The following AKAP6 variants were observed in gnomAD, a reference collection of about 807,000 sequenced individuals.
The protein encoded by AKAP6 is A-kinase anchoring protein 6.
AKAP6 carries 58 observed loss-of-function variants against 188.5 expected under a neutral mutation model. The observed-to-expected ratio is 0.31, with a 90% CI of 0.25 to 0.38. The LOEUF (loss-of-function observed/expected upper bound fraction) is 0.38, where lower values mean the gene tolerates loss of function less well. AKAP6 is among the 10% of genes least tolerant of loss of function. The pLI is 1.00. For missense variants in AKAP6, 2,710 were observed against 2,740.0 expected (o/e 0.99, Z 0.24); for synonymous variants, 989 against 998.6 (o/e 0.99, Z 0.18).
Position 32,619,294 on chromosome 14 carries a change from T to C in AKAP6, c.2730+18502T>C, listed in dbSNP as rs534322362. On this transcript the variant is annotated intron_variant, in intron 7 of 13. Coordinates refer to ENST00000280979, the MANE Select transcript of AKAP6 (RefSeq NM_004274.5). ...GGAGAGTTTTTCTTAGTTTTTCTTCTAGAATTTTTATGGCTTCAGGTCTTA... is the reference window on the plus strand; with the variant it reads ...GGAGAGTTTTTCTTAGTTTTTCTTCCAGAATTTTTATGGCTTCAGGTCTTA... Among the ~76,000 whole-genome samples the C allele has an allele frequency of 4.6e-5, 7 of 152,328 alleles. No homozygotes were observed. In the South Asian group the frequency reaches 1.2e-3, roughly 27 times the overall value.
rs183057981 is a variant in AKAP6 at position 32,682,018 on chromosome 14, T to G, written c.2879+3559T>G. On this transcript the variant is annotated intron_variant, in intron 8 of 13. Transcript: ENST00000280979. The stretch of plus-strand genomic sequence containing the variant: ...TCACAGTTTGTTAGGAGGAACCAGA[T>G]CTCTGTAAACAGCGTGGAGTAAAGG... Among the ~76,000 whole-genome samples the G allele has an allele frequency of 4.6e-5, 7 of 152,308 alleles. No individual in the cohort carries two copies. In the East Asian group the frequency reaches 1.2e-3, roughly 25 times the overall value.
intron 8 of AKAP6, among the ~76,000 whole-genome samples, chr14:32,686,708 T>A (rs1272363432): frequency 6.6e-6 from 1 of 152,130 alleles, no homozygotes; most frequent in African/African-American, 2.4e-5. Flanking sequence ...TGTGTTGAAG[T>A]TTACTACAAA....
intron 2 of AKAP6, among the ~76,000 whole-genome samples, chr14:32,468,840 A>G (rs1189310480): frequency 6.6e-6 from 1 of 152,056 alleles, no homozygotes; most frequent in Admixed American, 6.6e-5. Flanking sequence ...TGCTCTAACA[A>G]TCTTATTCCA....
chr14:32,348,865 A>C (rs2138437920), intron 1 of AKAP6, among the ~76,000 whole-genome samples: 1 of 152,160 alleles, frequency 6.6e-6, no homozygotes, highest in East Asian at 1.9e-4. Flanking sequence ...TAAATTTTTT[A>C]CTTATTCCTA....
chr14:32,663,312 G>A (rs1888782294), intron 7 of AKAP6, among the ~76,000 whole-genome samples: 1 of 152,008 alleles, frequency 6.6e-6, no homozygotes, highest in Non-Finnish European at 1.5e-5. Flanking sequence ...GCTCTTCCTA[G>A]ATGGAAATAA....
At chr14:32,440,887 C>T (rs760460877) in intron 2 of AKAP6, among the ~76,000 whole-genome samples, 79 of 152,062 alleles carry the variant, frequency 5.2e-4, no homozygotes, top group Non-Finnish European at 8.8e-4. Context: ...TCTCAAAATT[C>T]GTATGTTGAA....
chr14:32,609,325 T>G (rs1190188226), intron 7 of AKAP6, among the ~76,000 whole-genome samples: 1 of 152,202 alleles, frequency 6.6e-6, no homozygotes, highest in African/African-American at 2.4e-5. Flanking sequence ...TATGTGGTTG[T>G]GATGCTGCCA....
chr14:32,475,655 G>T (rs1566526224), intron 2 of AKAP6, among the ~76,000 whole-genome samples: 1 of 150,378 alleles, frequency 6.6e-6, no homozygotes, highest in Non-Finnish European at 1.5e-5. Context: ...AGCAGAGTCT[G>T]CAGACAGAAA....
chr14:32,615,167 C>CAAAAAAAAAAAAAAAA (rs71115086), intron 7 of AKAP6, among the ~76,000 whole-genome samples: 747 of 53,448 alleles, frequency 0.014, 168 homozygotes, highest in East Asian at 0.032. Flanking sequence ...GACTCTGTCT[C>CAAAAAAAAAAAAAAAA]AAAAAAAAAA....
chr14:32,566,622 C>T (rs1004978811), intron 4 of AKAP6, among the ~76,000 whole-genome samples: 13 of 152,098 alleles, frequency 8.5e-5, no homozygotes, highest in African/African-American at 2.9e-4. Flanking sequence ...ACTTAATACA[C>T]ACATGTATGT....
chr14:32,492,355 T>TATATATATATATATAGAG, intron 2 of AKAP6, among the ~76,000 whole-genome samples: 2,183 of 82,374 alleles, frequency 0.027, 80 homozygotes, highest in East Asian at 0.042. Context: ...TATATATATA[T>TATATATATATATATAGAG]AGAGAGAGAG....
intron 5 of AKAP6, among the ~76,000 whole-genome samples, chr14:32,596,889 C>A (rs1213949622): frequency 1.3e-5 from 2 of 152,164 alleles, no homozygotes; most frequent in Non-Finnish European, 2.9e-5. Context: ...CCAGAAATTT[C>A]ATTGACAATT....
intron 12 of AKAP6, among the ~76,000 whole-genome samples, chr14:32,776,763 C>G (rs2033080292): frequency 6.6e-6 from 1 of 152,010 alleles, no homozygotes; most frequent in Non-Finnish European, 1.5e-5. Flanking sequence ...GATCTTTAAT[C>G]TTTCTTGCTT....
intron 1 of AKAP6, among the ~76,000 whole-genome samples, chr14:32,370,231 C>T (rs1396614811): frequency 6.6e-6 from 1 of 152,164 alleles, no homozygotes; most frequent in South Asian, 2.1e-4. Flanking sequence ...TTAGCACAAA[C>T]CAGAAACTGC....
At chr14:32,567,532 AT>A (rs974772367) in intron 4 of AKAP6, among the ~76,000 whole-genome samples, 18 of 151,916 alleles carry the variant, frequency 1.2e-4, no homozygotes, top group African/African-American at 4.1e-4. Flanking sequence ...TGGAATTCCA[AT>A]TTTTTTTCTA....
chr14:32,786,494 T>TTTA (rs1566710538), intron 12 of AKAP6, among the ~76,000 whole-genome samples: 10 of 149,064 alleles, frequency 6.7e-5, no homozygotes, highest in Non-Finnish European at 1.2e-4. Flanking sequence ...TTTATTTTAT[T>TTTA]TTTTTATTTT....
At chr14:32,418,119 T>C (rs1889721358) in intron 1 of AKAP6, 1 of 152,188 alleles carries the variant, frequency 6.6e-6, no homozygotes, top group Admixed American at 6.5e-5. Context: ...CATGAGATGA[T>C]TGTGAAGCAT....
At chr14:32,469,658 G>A (rs994973600) in intron 2 of AKAP6, among the ~76,000 whole-genome samples, 3 of 148,918 alleles carry the variant, frequency 2.0e-5, no homozygotes, top group African/African-American at 5.0e-5. Context: ...TCTTTGCCTC[G>A]CTAGTTAAAA....
At chr14:32,815,257 A>G (rs1197339841) in intron 12 of AKAP6, among the ~76,000 whole-genome samples, 1 of 152,162 alleles carries the variant, frequency 6.6e-6, no homozygotes, top group Non-Finnish European at 1.5e-5. Context: ...CAGCTTTGTT[A>G]TTGAAAAAGA....
Sources: allele counts gnomAD v4.1 joint callset (sites outside exome capture counted in the v4.1 genomes callset), GRCh38; gene constraint gnomAD v4.1.1; transcripts MANE v1.5; gene names NCBI Gene and HGNC (gene_info 2026-07-23, HGNC 2026-07-21).